Variants in NXPH1 observed in about 807,000 individuals in gnomAD.
NXPH1 encodes neurexophilin 1.
A neutral mutation model predicts 23.7 loss-of-function variants in NXPH1; 5 were observed. The ratio of observed to expected loss-of-function variants is 0.21; its 90% CI spans 0.11 to 0.44. NXPH1 has a LOEUF of 0.44. Among genes scored for constraint, NXPH1 ranks in the 20% least tolerant of loss-of-function variants. NXPH1 has a pLI of 0.99. For synonymous variants in NXPH1, 144 were observed against 122.2 expected (o/e 1.18, Z -1.18); for missense variants, 324 against 321.6 (o/e 1.01, Z -0.06).
intron 2 of NXPH1, among the ~76,000 whole-genome samples, chr7:8,493,061 G>A (rs1817277337): frequency 6.6e-6 from 1 of 151,952 alleles, no homozygotes; most frequent in Non-Finnish European, 1.5e-5. Context: ...TTATCTTGGG[G>A]CAGCATGTGA....
At chr7:8,590,780 T>G (rs1366726697) in intron 2 of NXPH1, among the ~76,000 whole-genome samples, 1 of 151,556 alleles carries the variant, frequency 6.6e-6, no homozygotes, top group Non-Finnish European at 1.5e-5. Flanking sequence ...CAATTAGGAT[T>G]AGCATATTTA....
intron 2 of NXPH1, among the ~76,000 whole-genome samples, chr7:8,540,053 G>T (rs765091312): frequency 9.2e-5 from 14 of 151,792 alleles, no homozygotes; most frequent in Non-Finnish European, 1.5e-4. Flanking sequence ...TGGAAAATAT[G>T]AAATTCTATT....
At chr7:8,629,618 G>T (rs1820080648) in intron 2 of NXPH1, among the ~76,000 whole-genome samples, 1 of 152,032 alleles carries the variant, frequency 6.6e-6, no homozygotes, top group African/African-American at 2.4e-5. Context: ...TCTTTATATT[G>T]GTAGGAAATA....
chr7:8,466,870 C>G (rs28545817), intron 2 of NXPH1, among the ~76,000 whole-genome samples: 1,748 of 152,160 alleles, frequency 0.011, 46 homozygotes, highest in African/African-American at 0.04. Context: ...TGGTAATGAG[C>G]ACAGGGTCTA....
intron 2 of NXPH1, among the ~76,000 whole-genome samples, chr7:8,468,918 G>A (rs1382208814): frequency 2.6e-5 from 4 of 151,876 alleles, no homozygotes; most frequent in Non-Finnish European, 5.9e-5. Flanking sequence ...AAGTATATAA[G>A]GCAATTTTTA....
chr7:8,717,929 G>T (rs1583244341), intron 2 of NXPH1, among the ~76,000 whole-genome samples: 1 of 148,346 alleles, frequency 6.7e-6, no homozygotes, highest in African/African-American at 2.5e-5. Flanking sequence ...ATGTAGATAT[G>T]CATGTGTATA....
intron 2 of NXPH1, among the ~76,000 whole-genome samples, chr7:8,725,030 C>T (rs1369479209): frequency 1.3e-5 from 2 of 152,144 alleles, no homozygotes; most frequent in African/African-American, 4.8e-5. Flanking sequence ...TATAGTAACC[C>T]AGTGCTAGGA....
intron 2 of NXPH1, among the ~76,000 whole-genome samples, chr7:8,486,456 A>C (rs1817160843): frequency 6.6e-6 from 1 of 152,208 alleles, no homozygotes; most frequent in Non-Finnish European, 1.5e-5. Context: ...TCATTTGGAA[A>C]GGAAGGAGTA....
intron 2 of NXPH1, among the ~76,000 whole-genome samples, chr7:8,706,906 G>C (rs922448480): frequency 6.6e-6 from 1 of 152,140 alleles, no homozygotes; most frequent in African/African-American, 2.4e-5. Context: ...AGAATGGTGA[G>C]AGTGAGAAGG....
At chr7:8,666,429 C>A (rs73241711) in intron 2 of NXPH1, among the ~76,000 whole-genome samples, 9,849 of 151,858 alleles carry the variant, frequency 0.065, 694 homozygotes, top group East Asian at 0.25. Context: ...TGCATAAGTT[C>A]TTTGCTAGTA....
Position 8,435,356 on chromosome 7 carries a change from G to A in NXPH1, c.-110-248G>A. 1 of 334,134 alleles carries A rather than the reference G, an allele frequency of 3.0e-6. No individual in the cohort carries two copies. The highest frequency in any genetic ancestry group is 7.1e-5 in the East Asian group (1 of 14,088). The allele number at this position is 334,134 out of a possible 1,614,324, so 20.7% of individuals were successfully genotyped here. A position where few individuals can be genotyped will look rare whatever the true frequency, so the allele number is the denominator to read the frequency against. On this transcript the variant is annotated intron_variant, in intron 1 of 2. Transcript: ENST00000405863. This position sits in a 1 kb window ranked among gnomAD's most constrained non-coding sequence, Gnocchi z 5.9. The stretch of plus-strand genomic sequence containing the variant: ...AGTGTGCTCCGCCGCCTGGGAACTC[G>A]CACCCGAGGAGCGCAGGGGGCAAGG...
At chr7:8,480,804 C>T (rs1417959109) in intron 2 of NXPH1, among the ~76,000 whole-genome samples, 1 of 152,162 alleles carries the variant, frequency 6.6e-6, no homozygotes, top group Non-Finnish European at 1.5e-5. Context: ...CTTCCCCCTC[C>T]CCACCAAGCA....
intron 2 of NXPH1, among the ~76,000 whole-genome samples, chr7:8,595,906 TA>T (rs776310216): frequency 1.3e-5 from 2 of 152,038 alleles, no homozygotes; most frequent in Non-Finnish European, 2.9e-5. Flanking sequence ...AAAAGGTTAT[TA>T]TAAGGACAGA....
intron 2 of NXPH1, among the ~76,000 whole-genome samples, chr7:8,698,423 G>T (rs1779569377): frequency 1.3e-5 from 2 of 152,228 alleles, no homozygotes; most frequent in East Asian, 1.9e-4. Flanking sequence ...GTCATTGATG[G>T]TAATGCCACC....
chr7:8,704,700 AT>A (rs1779676301), intron 2 of NXPH1, among the ~76,000 whole-genome samples: 1 of 152,054 alleles, frequency 6.6e-6, no homozygotes, highest in Non-Finnish European at 1.5e-5. Context: ...TAATTATGGT[AT>A]TCATAAAAGC....
intron 2 of NXPH1, among the ~76,000 whole-genome samples, chr7:8,648,988 TGC>T (rs915162338): frequency 3.8e-3 from 280 of 73,984 alleles, no homozygotes; most frequent in African/African-American, 9.8e-3. Flanking sequence ...CTTAAAAATC[TGC>T]TTTTTTTTTT....
chr7:8,599,796 T>G lies in NXPH1; in HGVS notation c.55-151212T>G, dbSNP rs116529308. On this transcript the variant is annotated intron_variant, in intron 2 of 2. Transcript: ENST00000405863. ...TCATAACTTGTGCCCATGTTACCCT[T>G]AGATAGGAAGATTTTTTTTTTTTTT... Among the ~76,000 whole-genome samples the G allele has an allele frequency of 3.5e-3, 473 of 136,224 alleles. 3 individuals are homozygous for G. The highest frequency in any genetic ancestry group is 0.013 in the African/African-American group (448 of 34,588). The allele number at this position is 136,224 out of a possible 152,430, so 89.4% of individuals were successfully genotyped here.
At chr7:8,742,016 C>T (rs563217878) in intron 2 of NXPH1, among the ~76,000 whole-genome samples, 1 of 152,204 alleles carries the variant, frequency 6.6e-6, no homozygotes, top group Non-Finnish European at 1.5e-5. Context: ...TAGCTGCCTA[C>T]CTTTCTCTAA....
At chr7:8,667,127 AT>A (rs928038058) in intron 2 of NXPH1, among the ~76,000 whole-genome samples, 35 of 151,928 alleles carry the variant, frequency 2.3e-4, no homozygotes, top group African/African-American at 8.0e-4. Context: ...CCACAGTTTA[AT>A]TTTTTAATTA....
Sources: gnomAD v4.1 joint callset for allele counts (sites outside exome capture counted in the v4.1 genomes callset) on GRCh38, gnomAD v4.1.1 for gene constraint, Gnocchi (gnomAD v3.1) non-coding constraint, MANE v1.5 for transcripts, NCBI Gene and HGNC (gene_info 2026-07-23, HGNC 2026-07-21) for gene names.